Variants in GRM8 observed in about 807,000 individuals in gnomAD.
GRM8 encodes glutamate metabotropic receptor 8, also known as metabotropic glutamate receptor 8.
In GRM8, 47 loss-of-function variants were observed where a neutral mutation model predicts 87.2. The observed-to-expected ratio is 0.54, with a 90% CI of 0.43 to 0.69. The LOEUF (loss-of-function observed/expected upper bound fraction) is 0.69, where lower values mean the gene tolerates loss of function less well. Among genes scored for constraint, GRM8 ranks in the 30% least tolerant of loss-of-function variants. The probability of loss-of-function intolerance (pLI) is 0.00; values close to 1 mark genes in which losing one functional copy is unlikely to be tolerated. For synonymous variants in GRM8, 396 were observed against 404.5 expected, an observed-to-expected ratio of 0.98 and a Z score of 0.25; for missense variants, 1,019 against 1,139.2, an observed-to-expected ratio of 0.89 and a Z score of 1.52.
chr7:126,794,283 T>C (rs986392210), intron 6 of GRM8, among the ~76,000 whole-genome samples: 2 of 152,250 alleles, frequency 1.3e-5, no homozygotes, highest in South Asian at 4.1e-4. Context: ...CTCACAGCCA[T>C]TTTGCTCAGC....
At chr7:126,863,726 A>G (rs1308032522) in intron 6 of GRM8, among the ~76,000 whole-genome samples, 1 of 152,064 alleles carries the variant, frequency 6.6e-6, no homozygotes, top group Admixed American at 6.6e-5. Context: ...TTTTCATCTA[A>G]TTTATTAATT....
At chr7:127,194,551 G>C (rs568480010) in intron 2 of GRM8, among the ~76,000 whole-genome samples, 7 of 152,158 alleles carry the variant, frequency 4.6e-5, no homozygotes, top group African/African-American at 1.4e-4. Context: ...GGATCCTAGG[G>C]CATATCTGTT....
intron 8 of GRM8, among the ~76,000 whole-genome samples, chr7:126,574,634 CT>C (rs1325467836): frequency 6.6e-6 from 1 of 152,118 alleles, no homozygotes; most frequent in Admixed American, 6.5e-5. Context: ...CTTCACTTTG[CT>C]TTTTTTCTAC....
intron 7 of GRM8, among the ~76,000 whole-genome samples, chr7:126,747,965 A>C (rs2151530887): frequency 6.6e-6 from 1 of 152,006 alleles, no homozygotes; most frequent in East Asian, 1.9e-4. Flanking sequence ...ATTTTATATT[A>C]TTTTATTGTG....
chr7:126,585,544 A>G (rs1341809986), intron 8 of GRM8, among the ~76,000 whole-genome samples: 2 of 152,202 alleles, frequency 1.3e-5, no homozygotes, highest in African/African-American at 2.4e-5. Flanking sequence ...ATCAATAAAC[A>G]TAATCCCGCA....
At chr7:126,762,795 T>C (rs1817719666) in intron 7 of GRM8, among the ~76,000 whole-genome samples, 1 of 151,890 alleles carries the variant, frequency 6.6e-6, no homozygotes, top group Admixed American at 6.6e-5. Flanking sequence ...ATAATTTTCT[T>C]AGAATACCTT....
At chr7:126,972,866 A>G (rs1161949302) in intron 3 of GRM8, among the ~76,000 whole-genome samples, 1 of 152,220 alleles carries the variant, frequency 6.6e-6, no homozygotes, top group Non-Finnish European at 1.5e-5. Context: ...AGAGCCTAGT[A>G]TATTTAGTTA....
chr7:126,801,399 T>G (rs1450441142), intron 6 of GRM8, among the ~76,000 whole-genome samples: 1 of 73,664 alleles, frequency 1.4e-5, no homozygotes, highest in Non-Finnish European at 4.3e-5. Flanking sequence ...ATGATCTAGA[T>G]CTATAATTAT....
intron 7 of GRM8, among the ~76,000 whole-genome samples, chr7:126,615,726 T>C (rs923641654): frequency 1.7e-4 from 26 of 152,280 alleles, no homozygotes; most frequent in Admixed American, 1.2e-3. Context: ...GTTGCAATCC[T>C]AGTCTCTGAT....
intron 3 of GRM8, among the ~76,000 whole-genome samples, chr7:127,023,430 C>T (rs1446565193): frequency 2.6e-5 from 4 of 151,994 alleles, no homozygotes; most frequent in African/African-American, 9.7e-5. Flanking sequence ...TCATGTTATT[C>T]ATAGAACCAC....
At chr7:126,530,649 G>A (rs1814656891) in intron 9 of GRM8, among the ~76,000 whole-genome samples, 1 of 152,192 alleles carries the variant, frequency 6.6e-6, no homozygotes, top group African/African-American at 2.4e-5. Context: ...CTGATTGTCT[G>A]AACAGTACAA....
At position 127,234,965 on chromosome 7, in the gene GRM8, T is replaced by A. The variant is rs182933915; in HGVS notation, c.510+7730A>T. Among the ~76,000 whole-genome samples the A allele has an allele frequency of 1.7e-3, 252 of 152,362 alleles. 1 individual carries two copies. Among genetic ancestry groups the A allele is most frequent in the Middle Eastern group, 6.8e-3 (2 of 294 alleles). ...GTGAAGTCCATAAAATTTAAAAACC[T>A]GCAGTCTCTAGGGTGAATGGGTAGA... On this transcript the variant is annotated intron_variant, in intron 2 of 10. Transcript: ENST00000339582.
At chr7:126,466,269 G>C (rs931299335) in intron 9 of GRM8, among the ~76,000 whole-genome samples, 2 of 151,782 alleles carry the variant, frequency 1.3e-5, no homozygotes, top group Admixed American at 6.6e-5. Context: ...TTATTAATAG[G>C]ATATAAGAGA....
rs1296594758 is a variant in GRM8 at position 126,883,766 on chromosome 7, G to A, written c.1156+18776C>T. On this transcript the variant is annotated intron_variant, in intron 6 of 10. Coordinates refer to ENST00000339582, the MANE Select transcript of GRM8 (RefSeq NM_000845.3). The stretch of plus-strand genomic sequence containing the variant: ...GAGACAGACTAAACTTTTTAACTAA[G>A]ACTATCATGCAATTATATTGTTGGT... 5.9e-5 allele frequency among the ~76,000 whole-genome samples: 9 copies of A among 152,164 alleles called. No individual in the cohort carries two copies. In the East Asian group the frequency reaches 1.7e-3, roughly 29 times the overall value.
chr7:126,922,186 A>C (rs571418089), intron 3 of GRM8, among the ~76,000 whole-genome samples: 1 of 152,308 alleles, frequency 6.6e-6, no homozygotes, highest in Non-Finnish European at 1.5e-5. Flanking sequence ...AGGAAAAACA[A>C]AATGTTTAAG....
chr7:126,921,293 A>C (rs1389498546), intron 3 of GRM8, among the ~76,000 whole-genome samples: 1 of 152,272 alleles, frequency 6.6e-6, no homozygotes, highest in East Asian at 1.9e-4. Flanking sequence ...GATAAGGTAT[A>C]AGAGCAAGTA....
chr7:127,107,911 T>C (rs964203711), intron 2 of GRM8, among the ~76,000 whole-genome samples: 8 of 152,196 alleles, frequency 5.3e-5, no homozygotes, highest in African/African-American at 1.9e-4. Flanking sequence ...AGCAGAGCAA[T>C]GTGCTTGGAG....
intron 6 of GRM8, among the ~76,000 whole-genome samples, chr7:126,785,274 G>C (rs1207470079): frequency 1.3e-5 from 2 of 152,090 alleles, no homozygotes; most frequent in African/African-American, 4.8e-5. Flanking sequence ...GGAGTAATCT[G>C]GTAAAACACC....
At chr7:126,885,387 T>A (rs1800392833) in intron 6 of GRM8, among the ~76,000 whole-genome samples, 1 of 152,168 alleles carries the variant, frequency 6.6e-6, no homozygotes, top group South Asian at 2.1e-4. Flanking sequence ...CAGAAGTTCC[T>A]AACAGGAAGC....
Sources: gnomAD v4.1 joint callset for allele counts (sites outside exome capture counted in the v4.1 genomes callset) on GRCh38, gnomAD v4.1.1 for gene constraint, MANE v1.5 for transcripts, NCBI Gene and HGNC (gene_info 2026-07-23, HGNC 2026-07-21) for gene names.